KCNQ5: variants seen among roughly 807,000 people sequenced by gnomAD.
The protein encoded by KCNQ5 is potassium voltage-gated channel subfamily KQT member 5.
KCNQ5 carries 30 observed loss-of-function variants against 98.2 expected under a neutral mutation model. That is an observed-to-expected ratio of 0.31 (90% confidence interval 0.23 to 0.41). The LOEUF is 0.41. KCNQ5 is among the 10% of genes least tolerant of loss of function. The pLI is 1.00. For missense variants in KCNQ5, 835 were observed against 1,182.5 expected, an observed-to-expected ratio of 0.71 and a Z score of 4.31; for synonymous variants, 458 against 449.4, an observed-to-expected ratio of 1.02 and a Z score of -0.24.
intron 1 of KCNQ5, among the ~76,000 whole-genome samples, chr6:72,899,106 T>A (rs569001712): frequency 6.6e-6 from 1 of 152,298 alleles, no homozygotes; most frequent in African/African-American, 2.4e-5. Context: ...ATTGCAAAAA[T>A]TTTTTCCCAT....
chr6:73,076,571 T>A (rs1308806937), intron 3 of KCNQ5, among the ~76,000 whole-genome samples: 1 of 152,212 alleles, frequency 6.6e-6, no homozygotes, highest in Non-Finnish European at 1.5e-5. Context: ...TTCAGCCTAA[T>A]GTCAATATGT....
chr6:73,191,308 A>G (rs142726185), intron 12 of KCNQ5, among the ~76,000 whole-genome samples: 5 of 151,604 alleles, frequency 3.3e-5, no homozygotes, highest in African/African-American at 1.2e-4. Flanking sequence ...AAGTGTGTTC[A>G]CCTTGCTCTG....
chr6:73,106,666 T>G (rs1266632741), intron 6 of KCNQ5, among the ~76,000 whole-genome samples: 1 of 152,224 alleles, frequency 6.6e-6, no homozygotes, highest in African/African-American at 2.4e-5. Context: ...CGTTTTAACT[T>G]GATTACCTCT....
In KCNQ5 at chr6:73,097,160, C is replaced by T. The variant is rs77200252; in HGVS notation, c.919-8097C>T. 4.6e-3 allele frequency among the ~76,000 whole-genome samples: 108 copies of T among 23,490 alleles called. 1 individual carries two copies. The highest frequency in any genetic ancestry group is 0.039 in the South Asian group (9 of 228). 15.4% of individuals were successfully genotyped at this position (23,490 alleles called of 152,430 possible). The stretch of plus-strand genomic sequence containing the variant: ...TAGATCTCATATATATATATATATA[C>T]ACACACACATACACATATTGTTCCT... On this transcript the variant is annotated intron_variant, in intron 5 of 13. Coordinates refer to ENST00000370398, the MANE Select transcript of KCNQ5 (RefSeq NM_019842.4).
rs145171672 is a variant in KCNQ5, at chr6:72,927,875, C to G, written c.399-76033C>G. 1.0e-3 allele frequency among the ~76,000 whole-genome samples: 153 copies of G among 152,104 alleles called. 1 individual carries two copies. The highest frequency in any genetic ancestry group is 3.3e-3 in the African/African-American group (138 of 41,534). On this transcript the variant is annotated intron_variant, in intron 1 of 13. Coordinates refer to ENST00000370398, the MANE Select transcript of KCNQ5 (RefSeq NM_019842.4). ...GATAGATAATTCTGGACTCACAGAT[C>G]TCTAGACACTGTTCCTGGTCATAAC...
At chr6:72,732,565 G>C (rs1425172745) in intron 1 of KCNQ5, among the ~76,000 whole-genome samples, 1 of 152,348 alleles carries the variant, frequency 6.6e-6, no homozygotes, top group Non-Finnish European at 1.5e-5. Context: ...TGACTGAAGA[G>C]ATGAAAGTGG....
At chr6:73,137,673 T>G (rs1393227434) in intron 10 of KCNQ5, among the ~76,000 whole-genome samples, 2 of 152,168 alleles carry the variant, frequency 1.3e-5, no homozygotes. Flanking sequence ...AATACCCCTA[T>G]GGAGTAGCTG....
chr6:72,708,962 C>G (rs1356803974), intron 1 of KCNQ5, among the ~76,000 whole-genome samples: 1 of 152,142 alleles, frequency 6.6e-6, no homozygotes, highest in Non-Finnish European at 1.5e-5. Context: ...GATCACAATT[C>G]TCTAAAACTT....
intron 2 of KCNQ5, among the ~76,000 whole-genome samples, chr6:73,037,016 A>G (rs962653958): frequency 6.6e-6 from 1 of 151,994 alleles, no homozygotes; most frequent in Non-Finnish European, 1.5e-5. Flanking sequence ...TGTTGTCACT[A>G]TTTTTTGCCA....
At chr6:73,058,869 T>C (rs573237237) in intron 3 of KCNQ5, among the ~76,000 whole-genome samples, 8 of 152,202 alleles carry the variant, frequency 5.3e-5, no homozygotes, top group African/African-American at 1.9e-4. Context: ...TAAGATACCA[T>C]CTCACAAAAG....
intron 1 of KCNQ5, among the ~76,000 whole-genome samples, chr6:72,913,954 A>G (rs925670391): frequency 1.3e-5 from 2 of 152,224 alleles, no homozygotes; most frequent in African/African-American, 4.8e-5. Flanking sequence ...GTGTTTGTTC[A>G]GATTCTTCTC....
intron 1 of KCNQ5, among the ~76,000 whole-genome samples, chr6:72,782,693 C>T (rs915021881): frequency 1.3e-5 from 2 of 151,946 alleles, no homozygotes; most frequent in African/African-American, 4.8e-5. Flanking sequence ...ATCATAACAC[C>T]AGGTTATGAT....
At chr6:73,038,095 T>C (rs544116168) in intron 2 of KCNQ5, among the ~76,000 whole-genome samples, 2 of 152,222 alleles carry the variant, frequency 1.3e-5, no homozygotes, top group South Asian at 4.1e-4. Flanking sequence ...CGTATGTGTT[T>C]TTCTAAGTGG....
chr6:72,942,767 G>A (rs554285929), intron 1 of KCNQ5, among the ~76,000 whole-genome samples: 1 of 152,272 alleles, frequency 6.6e-6, no homozygotes, highest in South Asian at 2.1e-4. Flanking sequence ...AACCTAACAA[G>A]TCCAGTTTAA....
intron 12 of KCNQ5, among the ~76,000 whole-genome samples, chr6:73,191,713 C>T (rs1765596149): frequency 6.6e-6 from 1 of 152,086 alleles, no homozygotes; most frequent in South Asian, 2.1e-4. Flanking sequence ...ATCATGTGTG[C>T]CAGGACCTGT....
intron 9 of KCNQ5, among the ~76,000 whole-genome samples, chr6:73,129,345 A>G (rs1776125914): frequency 1.3e-5 from 2 of 152,222 alleles, no homozygotes; most frequent in South Asian, 2.1e-4. Flanking sequence ...TTGGTTACCT[A>G]TATCAACTAT....
chr6:72,893,839 A>G (rs1002707331), intron 1 of KCNQ5, among the ~76,000 whole-genome samples: 5 of 152,150 alleles, frequency 3.3e-5, no homozygotes, highest in Admixed American at 6.5e-5. Flanking sequence ...CTCTACTCCA[A>G]GCTCCTGCTT....
chr6:72,943,266 A>G (rs1766390753), intron 1 of KCNQ5, among the ~76,000 whole-genome samples: 2 of 152,134 alleles, frequency 1.3e-5, no homozygotes, highest in Admixed American at 6.6e-5. Flanking sequence ...ACTACAAGCT[A>G]TTGTTGAGGA....
At chr6:72,629,982 A>G (rs563556014) in intron 1 of KCNQ5, among the ~76,000 whole-genome samples, 1 of 152,178 alleles carries the variant, frequency 6.6e-6, no homozygotes, top group African/African-American at 2.4e-5. Flanking sequence ...TAAAGTCATC[A>G]ATTTCTAAAC....
Sources: gnomAD v4.1 joint callset for allele counts (sites outside exome capture counted in the v4.1 genomes callset) on GRCh38, gnomAD v4.1.1 for gene constraint, MANE v1.5 for transcripts, NCBI Gene and HGNC (gene_info 2026-07-23, HGNC 2026-07-21) for gene names.